The following TIAM1 variants were observed in gnomAD, a reference collection of about 807,000 sequenced individuals.
TIAM1 encodes the protein rho guanine nucleotide exchange factor TIAM1.
In TIAM1, 65 loss-of-function variants were observed where a neutral mutation model predicts 163.5. The observed-to-expected ratio is 0.40, with a 90% confidence interval of 0.33 to 0.49. The LOEUF (loss-of-function observed/expected upper bound fraction) is 0.49, where lower values mean the gene tolerates loss of function less well. TIAM1 is among the 20% of genes least tolerant of loss of function. The probability of loss-of-function intolerance (pLI) is 0.77; values close to 1 mark genes in which losing one functional copy is unlikely to be tolerated. For synonymous variants in TIAM1, 833 were observed against 810.1 expected (o/e 1.03, Z -0.48); for missense variants, 1,789 against 2,044.7 (o/e 0.87, Z 2.41).
chr21:31,348,250 C>T (rs778383191), upstream of TIAM1, among the ~76,000 whole-genome samples: 8 of 152,332 alleles, frequency 5.3e-5, no homozygotes, highest in South Asian at 6.2e-4. Context: ...ATCAAGGTGT[C>T]TTCAAGATCT....
intron 2 of TIAM1, among the ~76,000 whole-genome samples, chr21:31,354,090 G>A (rs1437688459): frequency 1.3e-5 from 2 of 151,712 alleles, no homozygotes; most frequent in Non-Finnish European, 1.5e-5. Context: ...TGCCCACCTC[G>A]GCCTCCCAAA....
At chr21:31,521,632 G>A (rs2047590270) in intron 1 of TIAM1, among the ~76,000 whole-genome samples, 1 of 151,920 alleles carries the variant, frequency 6.6e-6, no homozygotes, top group African/African-American at 2.4e-5. Context: ...AGCTATTCAG[G>A]AAGCTGAGGT....
At chr21:31,161,795 G>A (rs2083935767) in intron 16 of TIAM1, among the ~76,000 whole-genome samples, 1 of 152,166 alleles carries the variant, frequency 6.6e-6, no homozygotes, top group African/African-American at 2.4e-5. Context: ...ATGCTTCCGA[G>A]TTTAGACAGC....
At chr21:31,272,502 G>C (rs1601783959) in intron 3 of TIAM1, among the ~76,000 whole-genome samples, 1 of 148,972 alleles carries the variant, frequency 6.7e-6, no homozygotes, top group East Asian at 2.0e-4. Context: ...AAAAGATATA[G>C]AACTATACAC....
At chr21:31,442,533 G>T (rs544191759) in intron 2 of TIAM1, among the ~76,000 whole-genome samples, 1 of 152,268 alleles carries the variant, frequency 6.6e-6, no homozygotes, top group East Asian at 1.9e-4. Flanking sequence ...ACGCCCAGCC[G>T]GGAGATTCTT....
chr21:31,272,479 T>TAAA (rs36107845), intron 3 of TIAM1, among the ~76,000 whole-genome samples: 3 of 133,132 alleles, frequency 2.3e-5, no homozygotes, highest in African/African-American at 5.5e-5. Flanking sequence ...AAGCCTTTTG[T>TAAA]AAAAAAAAAA....
chr21:31,519,645 G>A (rs1383224415), intron 1 of TIAM1, among the ~76,000 whole-genome samples: 1 of 151,944 alleles, frequency 6.6e-6, no homozygotes, highest in Non-Finnish European at 1.5e-5. Context: ...AAAGATAGAA[G>A]TAACCCAAGC....
Position 31,124,539 on chromosome 21 carries a change from G to A in TIAM1, c.4289C>T (p.Pro1430Leu), listed in dbSNP as rs749306505. The A allele has an allele frequency of 1.9e-5, 30 of 1,613,162 alleles. No individual in the cohort carries two copies. The highest frequency in any genetic ancestry group is 1.1e-4 in the East Asian group (5 of 44,876). Residue 1430 changes from proline (P) to leucine (L), a missense_variant, in exon 27 of 28, where the codon CCG (proline) becomes CTG (leucine). Pro to Leu is a moderately conservative substitution (Grantham distance 98, BLOSUM62 -3). Transcript: ENST00000541036. ...KRLCALKGAR[P>L]AMSRAVSAPS... ...CACAGTACCTGCCCTGCTCATGGCC[G>A]GCCTGGCCCCCTTCAGTGCACACAA...
chr21:31,316,279 G>C (rs2099735261), intron 2 of TIAM1, among the ~76,000 whole-genome samples: 1 of 152,038 alleles, frequency 6.6e-6, no homozygotes, highest in African/African-American at 2.4e-5. Flanking sequence ...AGAATGCTCT[G>C]AAAGAGGATG....
At chr21:31,344,294 G>C (rs2076103267), upstream of TIAM1, 1 of 152,356 alleles carries the variant, frequency 6.6e-6, no homozygotes, top group East Asian at 1.9e-4. Context: ...CTGGTCACTT[G>C]GGTGTGTTGG....
At chr21:31,512,617 CTTTT>C (rs35338359) in intron 1 of TIAM1, among the ~76,000 whole-genome samples, 7,603 of 121,668 alleles carry the variant, frequency 0.062, 319 homozygotes, top group Admixed American at 0.16. Flanking sequence ...TTTTTCTTTT[CTTTT>C]TTTTTTTTTT....
intron 20 of TIAM1, among the ~76,000 whole-genome samples, chr21:31,146,614 G>A (rs1241581398): frequency 2.6e-5 from 4 of 151,752 alleles, no homozygotes; most frequent in Non-Finnish European, 4.4e-5. Flanking sequence ...GGGAGGCTGA[G>A]GCAGGAGAAT....
chr21:31,179,833 T>C (rs981085215), intron 15 of TIAM1, among the ~76,000 whole-genome samples: 1 of 152,132 alleles, frequency 6.6e-6, no homozygotes, highest in African/African-American at 2.4e-5. Flanking sequence ...CAATGCATTT[T>C]AAACTCTATT....
At chr21:31,191,563 T>C (rs16987924) in intron 13 of TIAM1, among the ~76,000 whole-genome samples, 3,267 of 152,302 alleles carry the variant, frequency 0.021, 125 homozygotes, top group African/African-American at 0.075. Flanking sequence ...TCTTGTAGCT[T>C]TGACATTGCC....
intron 1 of TIAM1, among the ~76,000 whole-genome samples, chr21:31,543,136 T>C (rs1298923480): frequency 6.6e-6 from 1 of 152,192 alleles, no homozygotes; most frequent in Non-Finnish European, 1.5e-5. Context: ...CTGCCTCATG[T>C]TGCCTCTTCC....
chr21:31,420,437 G>A (rs2043526602), intron 2 of TIAM1, among the ~76,000 whole-genome samples: 1 of 152,136 alleles, frequency 6.6e-6, no homozygotes. Context: ...TTTCCAGGGA[G>A]GCTTACTTAA....
chr21:31,225,671 A>AC (rs1569062615), intron 7 of TIAM1, 55 bp downstream of exon 7: 42 of 1,421,104 alleles, frequency 3.0e-5, no homozygotes, highest in Non-Finnish European at 3.8e-5. Flanking sequence ...AAAAAAAAAA[A>AC]CCCTTTTAGA....
chr21:31,456,720 CTTAT>C (rs1232002079), intron 2 of TIAM1, among the ~76,000 whole-genome samples: 4 of 152,172 alleles, frequency 2.6e-5, no homozygotes, highest in Non-Finnish European at 5.9e-5. Context: ...CCAACACTGG[CTTAT>C]TTATTTTGAA....
At position 31,182,446 on chromosome 21, in the gene TIAM1, G is replaced by A. The variant is rs2085075989; in HGVS notation, c.2862C>T (p.Pro954=). 5 of 1,592,482 alleles carry A rather than the reference G, an allele frequency of 3.1e-6. No individual in the cohort carries two copies. Among genetic ancestry groups the A allele is most frequent in the Non-Finnish European group, 4.3e-6 (5 of 1,170,052 alleles). The change falls in exon 15 of 28, where the codon CCC becomes CCT. Residue 954 remains proline, a synonymous_variant. Transcript: ENST00000541036. ...VDGPADLGES[P]LAFLTSNPGH... ...CTGGGTTGCTGGTGAGAAAGGCGAG[G>A]GGGCTCTCGCCAAGGTCGGCAGGGC...
Sources: gnomAD v4.1 joint callset for allele counts (sites outside exome capture counted in the v4.1 genomes callset) on GRCh38, gnomAD v4.1.1 for gene constraint, MANE v1.5 for transcripts, NCBI Gene and HGNC (gene_info 2026-07-23, HGNC 2026-07-21) for gene names.